The following MEF2C variants were observed in gnomAD, a reference collection of about 807,000 sequenced individuals.
The protein encoded by MEF2C is myocyte enhancer factor 2C.
MEF2C carries 6 observed loss-of-function variants against 50.5 expected under a neutral mutation model. The observed-to-expected ratio is 0.12, with a 90% CI of 0.07 to 0.23. MEF2C has a LOEUF of 0.23. MEF2C is among the 10% of genes least tolerant of loss of function. MEF2C has a pLI of 1.00. For synonymous variants in MEF2C, 183 were observed against 228.0 expected, an observed-to-expected ratio of 0.80 and a Z score of 1.78; for missense variants, 276 against 605.0, an observed-to-expected ratio of 0.46 and a Z score of 5.70.
intron 3 of MEF2C, among the ~76,000 whole-genome samples, chr5:88,789,675 G>A (rs1481738011): frequency 6.6e-6 from 1 of 152,094 alleles, no homozygotes; most frequent in Non-Finnish European, 1.5e-5. Context: ...ATGACCTTTA[G>A]AAATAATTGA....
intron 1 of MEF2C, chr5:88,825,441 A>C: frequency 1.0e-6 from 1 of 965,442 alleles, no homozygotes; most frequent in Non-Finnish European, 1.2e-6. Context: ...GTTGAGTAAC[A>C]TTATGACCAC....
chr5:88,772,304 A>C (rs1782728481), intron 3 of MEF2C: 1 of 152,244 alleles, frequency 6.6e-6, no homozygotes, highest in African/African-American at 2.4e-5. Context: ...TTTCTGAGAC[A>C]GTCAGGAACT....
At chr5:88,751,548 G>A (rs1304317955) in intron 5 of MEF2C, 5 of 984,634 alleles carry the variant, frequency 5.1e-6, no homozygotes, top group East Asian at 1.1e-4. Context: ...CAGGGAGGAC[G>A]AGCAGAAGTA....
rs191492796 is a variant in MEF2C, at chr5:88,803,987, T to C, written c.258+611A>G. On this transcript the variant is annotated intron_variant, in intron 3 of 10. Coordinates refer to ENST00000504921, the MANE Select transcript of MEF2C (RefSeq NM_002397.5). ...ACTGAGCTAACATTTAGAAATTCAT[T>C]TTCATCTGATTTCTGATTCCATGTA... Among the ~76,000 whole-genome samples, 8 of 152,290 alleles carry C rather than the reference T, an allele frequency of 5.3e-5. No homozygotes were observed. In the East Asian group the frequency reaches 1.5e-3, roughly 29 times the overall value.
intron 1 of MEF2C, among the ~76,000 whole-genome samples, chr5:88,849,716 C>T (rs1820600202): frequency 6.6e-6 from 1 of 152,054 alleles, no homozygotes; most frequent in African/African-American, 2.4e-5. Flanking sequence ...ACTCTAGATC[C>T]ATTTTTAATT....
At chr5:88,740,618 T>C in intron 6 of MEF2C, 3 of 984,460 alleles carry the variant, frequency 3.0e-6, no homozygotes, top group Non-Finnish European at 3.6e-6. Context: ...GTCTGAGATT[T>C]AGCATGCATC....
intron 3 of MEF2C, chr5:88,761,802 C>CA: frequency 6.3e-6 from 1 of 158,304 alleles, no homozygotes; most frequent in Non-Finnish European, 1.4e-5. Flanking sequence ...GTGTCCTGTC[C>CA]CCACAGCCTC....
At chr5:88,740,025 G>A in intron 6 of MEF2C, 1 of 985,202 alleles carries the variant, frequency 1.0e-6, no homozygotes, top group Non-Finnish European at 1.2e-6. Context: ...GCATTTTGTG[G>A]TATATTCTTA....
chr5:88,847,162 G>A (rs1819636288), intron 1 of MEF2C, among the ~76,000 whole-genome samples: 1 of 152,172 alleles, frequency 6.6e-6, no homozygotes, highest in African/African-American at 2.4e-5. Context: ...AAATGTGAGA[G>A]TGTAGACATA....
At chr5:88,738,327 C>G in intron 6 of MEF2C, 1 of 985,326 alleles carries the variant, frequency 1.0e-6, no homozygotes, top group Non-Finnish European at 1.2e-6. Context: ...AACAACACAA[C>G]ATTAAGCATA....
At position 88,728,600 on chromosome 5, in the gene MEF2C, T is replaced by C. The variant is rs1213117590; in HGVS notation, c.993A>G (p.Ser331=). 1.0e-5 allele frequency: 16 copies of C among 1,528,790 alleles called. No individual in the cohort carries two copies. The highest frequency in any genetic ancestry group is 1.4e-5 in the Non-Finnish European group (16 of 1,134,496). 94.7% of individuals were successfully genotyped at this position (1,528,790 alleles called of 1,614,324 possible). Residue 331 remains serine (S), a synonymous_variant, in exon 10 of 11, where the codon TCA becomes TCG. Transcript: ENST00000504921. The part of the protein sequence containing the change: ...TEYSLSSADL[S]SLSGFNTASA... Reference sequence around the variant, plus strand: ...TGGCGGTGTTAAACCCAGACAGAGATGACAGGTCTGCACTACTCAGAGAGT... The same window carrying C: ...TGGCGGTGTTAAACCCAGACAGAGACGACAGGTCTGCACTACTCAGAGAGT...
chr5:88,742,391 A>G, intron 6 of MEF2C: 1 of 984,824 alleles, frequency 1.0e-6, no homozygotes, highest in Non-Finnish European at 1.2e-6. Context: ...GGGAAATATT[A>G]ACGGCTTGAA....
At chr5:88,833,202 T>C (rs1389108516) in intron 1 of MEF2C, among the ~76,000 whole-genome samples, 1 of 152,130 alleles carries the variant, frequency 6.6e-6, no homozygotes, top group Admixed American at 6.6e-5. Context: ...TCAAAATATT[T>C]GTTACAAAAT....
At chr5:88,903,300 G>A (rs1421584341) in intron 1 of MEF2C, among the ~76,000 whole-genome samples, 1 of 151,710 alleles carries the variant, frequency 6.6e-6, no homozygotes, top group East Asian at 1.9e-4. Flanking sequence ...AGAAAATATT[G>A]CCACTTTTAA....
chr5:88,763,582 T>C (rs932266093), intron 3 of MEF2C, among the ~76,000 whole-genome samples: 1 of 152,184 alleles, frequency 6.6e-6, no homozygotes, highest in Non-Finnish European at 1.5e-5. Flanking sequence ...GAGAAAAATA[T>C]GTCAGATCAA....
At chr5:88,735,143 G>A in intron 6 of MEF2C, 1 of 985,332 alleles carries the variant, frequency 1.0e-6, no homozygotes, top group Non-Finnish European at 1.2e-6. Flanking sequence ...ACATGCGTGT[G>A]GTTTACTGCT....
At chr5:88,825,381 C>T in intron 1 of MEF2C, 1 of 559,764 alleles carries the variant, frequency 1.8e-6, no homozygotes, top group Non-Finnish European at 2.3e-6. Flanking sequence ...TCTTTTGCCT[C>T]ACGCCTCTCT....
At chr5:88,778,137 T>G in intron 3 of MEF2C, among the ~76,000 whole-genome samples, 1 of 151,620 alleles carries the variant, frequency 6.6e-6, no homozygotes, top group Non-Finnish European at 1.5e-5. Context: ...CTCGATCTCT[T>G]GACCTTGTGA....
At chr5:88,803,660 T>TGGTATA (rs1254251979) in intron 3 of MEF2C, among the ~76,000 whole-genome samples, 2 of 152,214 alleles carry the variant, frequency 1.3e-5, no homozygotes, top group Non-Finnish European at 2.9e-5. Flanking sequence ...CTTCCTTTGT[T>TGGTATA]TTGTAGTCTT....
Sources: gnomAD v4.1 joint callset for allele counts (sites outside exome capture counted in the v4.1 genomes callset) on GRCh38, gnomAD v4.1.1 for gene constraint, MANE v1.5 for transcripts, NCBI Gene and HGNC (gene_info 2026-07-23, HGNC 2026-07-21) for gene names.